The following MID1 variants were observed in gnomAD, a reference collection of about 807,000 sequenced individuals.
MID1 encodes the protein midline 1, also known as E3 ubiquitin-protein ligase Midline-1.
A neutral mutation model predicts 40.4 loss-of-function variants in MID1; 7 were observed. The observed-to-expected ratio is 0.17, with a 90% confidence interval of 0.10 to 0.33. The LOEUF is 0.33. Ranked by LOEUF, MID1 falls within the 10% of genes least tolerant of loss-of-function variation. The pLI is 1.00. For missense variants in MID1, 367 were observed against 558.5 expected (o/e 0.66, Z 3.46); for synonymous variants, 229 against 221.2 (o/e 1.04, Z -0.31).
intron 1 of MID1, among the ~76,000 whole-genome samples, chrX:10,713,333 T>C (rs1222635450): frequency 9.2e-6 from 1 of 108,611 alleles, no homozygotes; most frequent in Non-Finnish European, 1.9e-5. Flanking sequence ...AGATTTTTTT[T>C]TTTTTTTTGA....
Position 10,770,843 on chromosome X carries a change from G to T in MID1, c.-187+62711C>A, listed in dbSNP as rs186832267. 4.5e-5 allele frequency among the ~76,000 whole-genome samples: 5 copies of T among 111,808 alleles called. No homozygotes were observed. In the Admixed American group the frequency reaches 4.7e-4, roughly 11 times the overall value. On this transcript the variant is annotated intron_variant, in intron 1 of 10. Transcript: ENST00000380785. Reference sequence around the variant, plus strand: ...TACTTGGCTGGGTGCGGTGGCTCACGCCTGTAAATCCCAGCACTTTGGGAG... The same window carrying T: ...TACTTGGCTGGGTGCGGTGGCTCACTCCTGTAAATCCCAGCACTTTGGGAG...
chrX:10,695,514 C>T (rs1371479514), intron 1 of MID1, among the ~76,000 whole-genome samples: 1 of 112,019 alleles, frequency 8.9e-6, no homozygotes, highest in Non-Finnish European at 1.9e-5. Context: ...ATTACATTCA[C>T]AGCCCATCAG....
intron 1 of MID1, among the ~76,000 whole-genome samples, chrX:10,747,121 G>A (rs1384144426): frequency 9.0e-6 from 1 of 111,354 alleles, no homozygotes; most frequent in Non-Finnish European, 1.9e-5. Flanking sequence ...TGGAACTTGG[G>A]AGTTTGGTGT....
At chrX:10,687,041 C>T (rs2043103207) in intron 1 of MID1, among the ~76,000 whole-genome samples, 1 of 111,068 alleles carries the variant, frequency 9.0e-6, no homozygotes, top group African/African-American at 3.3e-5. Flanking sequence ...TTGTGTTTGC[C>T]CAACCCTTGG....
intron 3 of MID1, among the ~76,000 whole-genome samples, chrX:10,510,830 C>CAAAAAAAAAAAAAAAAAA (rs1185825614): frequency 4.2e-4 from 10 of 23,948 alleles, no homozygotes; most frequent in Non-Finnish European, 6.7e-4. Context: ...GACTCTGTCT[C>CAAAAAAAAAAAAAAAAAA]AAAAAAAAAA....
chrX:10,538,602 C>T (rs753187763), intron 2 of MID1, among the ~76,000 whole-genome samples: 1 of 111,718 alleles, frequency 9.0e-6, no homozygotes, highest in East Asian at 2.8e-4. Context: ...AAAACTTTCC[C>T]AGTAGAAGGC....
rs766788863 is a variant in MID1 at position 10,642,720 on chromosome X, A to G, written c.-186-22301T>C. 7.2e-5 allele frequency among the ~76,000 whole-genome samples: 8 copies of G among 110,695 alleles called. No individual in the cohort carries two copies. In the South Asian group the frequency reaches 1.1e-3, roughly 16 times the overall value. On this transcript the variant is annotated intron_variant, in intron 1 of 10. Coordinates refer to the MID1 transcript ENST00000380785. ...CACATTGCTAAGACAATCCTAAGCC[A>G]AAAGAACAAAGCTGGAGGCATCACG...
chrX:10,770,921 C>T lies in MID1; in HGVS notation c.-187+62633G>A, dbSNP rs995885500. ...GAGGTCGAGACCATCCTGGCTAACA[C>T]GGTGAAACCCTGTCTCTACTAAAAA... On this transcript the variant is annotated intron_variant, in intron 1 of 10. Coordinates refer to the MID1 transcript ENST00000380785. 5.5e-5 allele frequency among the ~76,000 whole-genome samples: 6 copies of T among 109,253 alleles called. No individual in the cohort carries two copies. In the South Asian group the frequency reaches 1.2e-3, roughly 22 times the overall value. 94.9% of individuals were successfully genotyped at this position (109,253 alleles called of 115,157 possible).
rs192799382 is a variant in MID1, at chrX:10,634,698, G to A, written c.-186-14279C>T. Among the ~76,000 whole-genome samples the A allele has an allele frequency of 9.8e-4, 110 of 112,201 alleles. 1 individual carries two copies. Among genetic ancestry groups the A allele is most frequent in the African/African-American group, 2.9e-3 (90 of 30,907 alleles). On this transcript the variant is annotated intron_variant, in intron 1 of 10. Coordinates refer to the MID1 transcript ENST00000380785. ...CATTTGACGTGCCGTGTTCAAGAGC[G>A]TAAGAGATGGTGTGGGTGTTCTTTA...
chrX:10,610,151 G>T (rs955508493), intron 1 of MID1, among the ~76,000 whole-genome samples: 2 of 112,548 alleles, frequency 1.8e-5, no homozygotes, highest in African/African-American at 6.5e-5. Context: ...CCGCTTTTCA[G>T]ATATCAGATA....
Position 10,505,655 on chromosome X carries a change from A to G in MID1, c.757-9964T>C, listed in dbSNP as rs138330915. On this transcript the variant is annotated intron_variant, in intron 3 of 9. Transcript: ENST00000317552. Reference sequence around the variant, plus strand: ...TGATGTTGTGGTCAGAGGGTAAACAATAACTTTTAGCAGATGACCATTAAT... The same window carrying G: ...TGATGTTGTGGTCAGAGGGTAAACAGTAACTTTTAGCAGATGACCATTAAT... The G allele has an allele frequency of 8.0e-4, 602 of 751,958 alleles. 4 individuals are homozygous for G. The African/African-American group carries it at 9.9e-3, about 12-fold the overall frequency. 62.0% of individuals were successfully genotyped at this position (751,958 alleles called of 1,213,427 possible).
intron 6 of MID1, among the ~76,000 whole-genome samples, chrX:10,472,304 A>ATAAT (rs1929754077): frequency 8.9e-6 from 1 of 112,710 alleles, no homozygotes; most frequent in Non-Finnish European, 1.9e-5. Context: ...CTCAGAAGAC[A>ATAAT]TAATAGCAGG....
intron 2 of MID1, among the ~76,000 whole-genome samples, chrX:10,560,794 C>A (rs1016501555): frequency 9.0e-6 from 1 of 110,808 alleles, no homozygotes; most frequent in Non-Finnish European, 1.9e-5. Flanking sequence ...GGCCATACTG[C>A]CCAAAGTAAT....
chrX:10,751,933 C>A (rs1300090147), intron 1 of MID1, among the ~76,000 whole-genome samples: 2 of 111,369 alleles, frequency 1.8e-5, no homozygotes, highest in East Asian at 5.7e-4. Context: ...AGTTAGTTCA[C>A]ATGAGATCTG....
Position 10,826,049 on chromosome X carries a change from G to C in MID1, c.-187+7505C>G, listed in dbSNP as rs141560527. On this transcript the variant is annotated intron_variant, in intron 1 of 10. Transcript: ENST00000380785. ...CACAGCTACTAAATGGATGAGCTAA[G>C]ACTTGAACCCACACCATGACTTTCC... Among the ~76,000 whole-genome samples, 6 of 111,287 alleles carry C rather than the reference G, an allele frequency of 5.4e-5. No individual in the cohort carries two copies. The East Asian group carries it at 1.7e-3, about 32-fold the overall frequency.
chrX:10,528,559 T>C (rs1453504007), intron 2 of MID1, among the ~76,000 whole-genome samples: 1 of 112,276 alleles, frequency 8.9e-6, no homozygotes, highest in East Asian at 2.8e-4. Flanking sequence ...AAAGCAGCCA[T>C]AGATAACATG....
At chrX:10,625,787 A>T (rs1436776073) in intron 1 of MID1, among the ~76,000 whole-genome samples, 1 of 112,211 alleles carries the variant, frequency 8.9e-6, no homozygotes, top group Non-Finnish European at 1.9e-5. Flanking sequence ...TTCTTTGGAA[A>T]CCACTCAAAG....
At chrX:10,480,832 G>C (rs1385164402) in intron 5 of MID1, among the ~76,000 whole-genome samples, 1 of 111,808 alleles carries the variant, frequency 8.9e-6, no homozygotes, top group Non-Finnish European at 1.9e-5. Context: ...AAGCCGATTG[G>C]ACAGTAGACC....
intron 1 of MID1, among the ~76,000 whole-genome samples, chrX:10,591,260 A>G (rs1935292159): frequency 8.9e-6 from 1 of 112,286 alleles, no homozygotes; most frequent in Admixed American, 9.4e-5. Flanking sequence ...GAAAAAACAA[A>G]TTTGAATGCC....
Sources: allele counts gnomAD v4.1 joint callset (sites outside exome capture counted in the v4.1 genomes callset), GRCh38; gene constraint gnomAD v4.1.1; transcripts MANE v1.5; gene names NCBI Gene and HGNC (gene_info 2026-07-23, HGNC 2026-07-21).